RELN: variants seen among roughly 807,000 people sequenced by gnomAD.
RELN encodes the protein reelin.
A neutral mutation model predicts 427.6 loss-of-function variants in RELN; 108 were observed. The ratio of observed to expected loss-of-function variants is 0.25; its 90% CI spans 0.22 to 0.30. RELN has a LOEUF of 0.30. RELN is among the 10% of genes least tolerant of loss of function. The pLI, the probability that RELN is intolerant of heterozygous loss-of-function variation, is 1.00. For synonymous variants in RELN, 1,524 were observed against 1,513.4 expected, an observed-to-expected ratio of 1.01 and a Z score of -0.16; for missense variants, 3,715 against 4,302.8, an observed-to-expected ratio of 0.86 and a Z score of 3.82.
At chr7:103,867,385 A>C (rs1794225475) in intron 2 of RELN, among the ~76,000 whole-genome samples, 1 of 151,938 alleles carries the variant, frequency 6.6e-6, no homozygotes, top group Non-Finnish European at 1.5e-5. Flanking sequence ...TAAAAAAAAA[A>C]AATACAGGTT....
At chr7:103,608,495 G>A (rs769954555) in intron 22 of RELN, among the ~76,000 whole-genome samples, 29 of 151,902 alleles carry the variant, frequency 1.9e-4, no homozygotes, top group Non-Finnish European at 2.4e-4. Context: ...TAAATGGTCC[G>A]GGGAATAATT....
intron 24 of RELN, 76 bp from the exon 25 acceptor site, chr7:103,596,737 A>T: frequency 8.1e-7 from 1 of 1,236,298 alleles, no homozygotes; most frequent in Non-Finnish European, 1.2e-6. Context: ...TTCCAAATTC[A>T]CATGGACATC....
intron 49 of RELN, among the ~76,000 whole-genome samples, chr7:103,518,407 A>G (rs1239072271): frequency 6.9e-6 from 1 of 145,768 alleles, no homozygotes; most frequent in Non-Finnish European, 1.5e-5. Context: ...ATCATAGCTT[A>G]CTGCAGCCTC....
At chr7:103,544,389 C>T (rs949635306) in intron 42 of RELN, among the ~76,000 whole-genome samples, 8 of 151,494 alleles carry the variant, frequency 5.3e-5, no homozygotes, top group Admixed American at 1.3e-4. Flanking sequence ...CCAGCGTGCC[C>T]GGCTTTTTTG....
chr7:103,599,595 A>G (rs1285962247), intron 24 of RELN, among the ~76,000 whole-genome samples: 1 of 152,194 alleles, frequency 6.6e-6, no homozygotes, highest in Non-Finnish European at 1.5e-5. Flanking sequence ...TGATCTTTAT[A>G]TGTAAAAATC....
intron 3 of RELN, among the ~76,000 whole-genome samples, chr7:103,832,279 A>G (rs1003692349): frequency 3.3e-5 from 5 of 152,308 alleles, no homozygotes; most frequent in Middle Eastern, 3.4e-3. Context: ...TTGACTGCCT[A>G]TAGAACAGCT....
At chr7:103,782,155 C>G (rs1396236567) in intron 3 of RELN, among the ~76,000 whole-genome samples, 3 of 151,992 alleles carry the variant, frequency 2.0e-5, no homozygotes, top group Non-Finnish European at 4.4e-5. Context: ...ATAGATTCTC[C>G]AAAATGAAGA....
At chr7:103,790,993 A>T (rs1273939396) in intron 3 of RELN, among the ~76,000 whole-genome samples, 1 of 152,142 alleles carries the variant, frequency 6.6e-6, no homozygotes, top group Non-Finnish European at 1.5e-5. Flanking sequence ...AACCAAAAAA[A>T]GACAGAAAGA....
intron 14 of RELN, 69 bp downstream of exon 14, chr7:103,652,482 C>T (rs1832939096): frequency 8.1e-7 from 1 of 1,237,920 alleles, no homozygotes; most frequent in Non-Finnish European, 1.2e-6. Context: ...TAGAAACTAC[C>T]TCTTATTTAA....
chr7:103,777,679 T>A (rs2116216316), intron 3 of RELN, among the ~76,000 whole-genome samples: 1 of 152,276 alleles, frequency 6.6e-6, no homozygotes, highest in South Asian at 2.1e-4. Context: ...CATTCCTTGC[T>A]CTGGCCCACG....
intron 1 of RELN, among the ~76,000 whole-genome samples, chr7:103,933,821 A>G (rs2116715220): frequency 6.6e-6 from 1 of 152,288 alleles, no homozygotes; most frequent in South Asian, 2.1e-4. Flanking sequence ...ACGTGGCCTC[A>G]TGCAGATTGA....
At chr7:103,548,856 T>G (rs562776553) in intron 41 of RELN, among the ~76,000 whole-genome samples, 21 of 152,336 alleles carry the variant, frequency 1.4e-4, no homozygotes, top group African/African-American at 4.8e-4. Context: ...TCCCCTGGCA[T>G]GGACATCTTC....
intron 3 of RELN, among the ~76,000 whole-genome samples, chr7:103,779,582 T>C (rs262348): frequency 0.77 from 117,839 of 152,074 alleles, 45,806 homozygotes; most frequent in South Asian, 0.86. Context: ...GTGGCAAAGC[T>C]GGGATTCAAA....
intron 8 of RELN, among the ~76,000 whole-genome samples, chr7:103,719,581 T>C (rs911530202): frequency 7.2e-6 from 1 of 138,260 alleles, no homozygotes; most frequent in Non-Finnish European, 1.5e-5. Context: ...ACACAACAAA[T>C]ATTCAGTGAA....
chr7:103,719,695 A>G, intron 8 of RELN, among the ~76,000 whole-genome samples: 1 of 152,188 alleles, frequency 6.6e-6, no homozygotes, highest in South Asian at 2.1e-4. Flanking sequence ...GTAGGATAAC[A>G]CTTTGCAAGG....
At chr7:103,943,516 G>A (rs1014571380) in intron 1 of RELN, among the ~76,000 whole-genome samples, 2 of 152,096 alleles carry the variant, frequency 1.3e-5, no homozygotes, top group Non-Finnish European at 2.9e-5. Context: ...CCAGAGAAGT[G>A]TTAGGTGAGT....
intron 2 of RELN, among the ~76,000 whole-genome samples, chr7:103,863,269 T>C (rs1794114888): frequency 6.6e-6 from 1 of 152,142 alleles, no homozygotes. Context: ...TATAGTATCT[T>C]CAAAAGACAT....
chr7:103,518,086 G>A (rs1829609246), intron 49 of RELN, among the ~76,000 whole-genome samples: 1 of 152,096 alleles, frequency 6.6e-6, no homozygotes, highest in Non-Finnish European at 1.5e-5. Context: ...TAAGACAGGA[G>A]GAACCTGGGT....
chr7:103,512,050 G>T (rs2711846), intron 50 of RELN, among the ~76,000 whole-genome samples: 56,859 of 151,876 alleles, frequency 0.37, 11,332 homozygotes, highest in East Asian at 0.55. Context: ...CTTAACATAT[G>T]TTCAGTGCAC....
Sources: gnomAD v4.1 joint callset for allele counts (sites outside exome capture counted in the v4.1 genomes callset) on GRCh38, gnomAD v4.1.1 for gene constraint, MANE v1.5 for transcripts, NCBI Gene and HGNC (gene_info 2026-07-23, HGNC 2026-07-21) for gene names.